The following NME7 variants were observed in gnomAD, a reference collection of about 807,000 sequenced individuals.
The protein encoded by NME7 is nucleoside diphosphate kinase 7.
In NME7, 41 loss-of-function variants were observed where a neutral mutation model predicts 49.1. That is an observed-to-expected ratio of 0.83 (90% CI 0.65 to 1.08). The LOEUF (loss-of-function observed/expected upper bound fraction) is 1.08. NME7 is among the 50% of genes least tolerant of loss of function. The probability of loss-of-function intolerance (pLI) is 0.00; values close to 1 mark genes in which losing one functional copy is unlikely to be tolerated. For missense variants in NME7, 423 were observed against 463.4 expected (o/e 0.91, Z 0.80); for synonymous variants, 139 against 150.6 (o/e 0.92, Z 0.56).
At chr1:169,162,212 T>C (rs1659269689) in intron 11 of NME7, among the ~76,000 whole-genome samples, 1 of 152,220 alleles carries the variant, frequency 6.6e-6, no homozygotes, top group Non-Finnish European at 1.5e-5. Context: ...ATCTCTTATG[T>C]GGGCGGCCTC....
At chr1:169,248,543 A>G (rs1648418078) in intron 7 of NME7, among the ~76,000 whole-genome samples, 1 of 152,008 alleles carries the variant, frequency 6.6e-6, no homozygotes, top group Non-Finnish European at 1.5e-5. Flanking sequence ...CTACTCACGA[A>G]TTATTTGCCT....
At chr1:169,180,095 C>G (rs1488135898) in intron 10 of NME7, among the ~76,000 whole-genome samples, 1 of 151,940 alleles carries the variant, frequency 6.6e-6, no homozygotes, top group Non-Finnish European at 1.5e-5. Flanking sequence ...GTTTATTTGT[C>G]CTAGAGTAGC....
At chr1:169,184,473 A>T (rs1341027885) in intron 10 of NME7, among the ~76,000 whole-genome samples, 1 of 152,100 alleles carries the variant, frequency 6.6e-6, no homozygotes, top group Non-Finnish European at 1.5e-5. Context: ...TTCCCCTATG[A>T]TCCCTCCCTC....
intron 7 of NME7, among the ~76,000 whole-genome samples, chr1:169,248,693 A>G (rs1398227256): frequency 6.6e-6 from 1 of 152,106 alleles, no homozygotes; most frequent in Non-Finnish European, 1.5e-5. Context: ...ATTCTTCTAC[A>G]TGTGGTTATC....
chr1:169,180,854 TA>T (rs1659905856), intron 10 of NME7, among the ~76,000 whole-genome samples: 1 of 152,166 alleles, frequency 6.6e-6, no homozygotes. Flanking sequence ...ATTTTGTGTA[TA>T]ATACATCTCA....
intron 9 of NME7, among the ~76,000 whole-genome samples, chr1:169,231,681 G>C (rs1175398985): frequency 6.6e-6 from 1 of 152,160 alleles, no homozygotes; most frequent in Non-Finnish European, 1.5e-5. Context: ...AAGAGTTTAT[G>C]TTTCTACCAG....
At chr1:169,336,684 C>T (rs576142337) in intron 1 of NME7, among the ~76,000 whole-genome samples, 1 of 150,700 alleles carries the variant, frequency 6.6e-6, no homozygotes, top group Non-Finnish European at 1.5e-5. Flanking sequence ...CTTAGCTAGA[C>T]ATAAAGGTTC....
At chr1:169,149,472 A>G (rs1658848727) in intron 11 of NME7, among the ~76,000 whole-genome samples, 1 of 152,224 alleles carries the variant, frequency 6.6e-6, no homozygotes, top group Non-Finnish European at 1.5e-5. Flanking sequence ...TAGGGGATAC[A>G]TCCCAAACCC....
At chr1:169,342,003 A>G (rs1652725457) in intron 1 of NME7, among the ~76,000 whole-genome samples, 1 of 152,104 alleles carries the variant, frequency 6.6e-6, no homozygotes, top group Admixed American at 6.5e-5. Context: ...CTAATGCTGG[A>G]ATGAGTTAAG....
chr1:169,247,652 T>C (rs1036867026), intron 7 of NME7, among the ~76,000 whole-genome samples: 5 of 152,090 alleles, frequency 3.3e-5, no homozygotes, highest in African/African-American at 1.2e-4. Flanking sequence ...CTCCCTCTTC[T>C]GAGTCGCCAA....
intron 2 of NME7, 122 bp from the exon 3 acceptor site, chr1:169,323,405 TTTC>T (rs1384527173): frequency 1.3e-6 from 1 of 748,414 alleles, no homozygotes; most frequent in South Asian, 4.9e-5. Flanking sequence ...TTATATTCTG[TTTC>T]TTTTTTGTTA....
At chr1:169,294,313 C>A (rs1650625029) in intron 6 of NME7, among the ~76,000 whole-genome samples, 1 of 152,012 alleles carries the variant, frequency 6.6e-6, no homozygotes, top group African/African-American at 2.4e-5. Context: ...GAAGAAAAAC[C>A]AATTAGTAAG....
rs1175921165 is a variant in NME7 at position 169,275,346 on chromosome 1, G to T, written c.754+11957C>A. On this transcript the variant is annotated intron_variant, in intron 7 of 11. Transcript: ENST00000367811. The stretch of plus-strand genomic sequence containing the variant: ...ATACAAAAATTAGCCGGGCATGGTG[G>T]CGCGTGCCTGTAGTCCCAGCTACAC... Among the ~76,000 whole-genome samples, 7 of 129,230 alleles carry T rather than the reference G, an allele frequency of 5.4e-5. 1 individual carries two copies. The highest frequency in any genetic ancestry group is 5.4e-4 in the Admixed American group (7 of 12,960). 84.8% of individuals were successfully genotyped at this position (129,230 alleles called of 152,430 possible). A position where few individuals can be genotyped will look rare whatever the true frequency, so the allele number is the denominator to read the frequency against.
intron 7 of NME7, among the ~76,000 whole-genome samples, chr1:169,255,187 G>A (rs1245465435): frequency 7.3e-6 from 1 of 136,710 alleles, no homozygotes. Flanking sequence ...CATTATTATT[G>A]TGTGGGAGTC....
At chr1:169,301,506 A>G (rs1589113) in intron 5 of NME7, among the ~76,000 whole-genome samples, 11,905 of 152,248 alleles carry the variant, frequency 0.078, 601 homozygotes, top group East Asian at 0.11. Context: ...TGTGGAAAGC[A>G]GTGTGGATAT....
intron 11 of NME7, among the ~76,000 whole-genome samples, chr1:169,138,246 G>A (rs7522760): frequency 0.33 from 50,196 of 151,958 alleles, 8,837 homozygotes; most frequent in Non-Finnish European, 0.4. Flanking sequence ...CGGGGGTGGA[G>A]GTTGCAGTGA....
At chr1:169,356,707 C>A (rs1653478565) in intron 1 of NME7, among the ~76,000 whole-genome samples, 2 of 152,140 alleles carry the variant, frequency 1.3e-5, no homozygotes, top group Non-Finnish European at 2.9e-5. Context: ...GGGGCAGCAT[C>A]TGTGAAGCAC....
Position 169,323,237 on chromosome 1 carries a change from T to C in NME7, c.158A>G (p.Asp53Gly), listed in dbSNP as rs773156271. ...HRTFLKRTKY[D>G]NLHLEDLFIG... ...AAATAAATCTTCCAAGTGCAGGTTA[T>C]CATATTTGGTCCGCTTTAAAAAGGT... The change falls in exon 3 of 12, where the codon GAT (aspartate) becomes GGT (glycine). Residue 53 changes from aspartate (D) to glycine (G), a missense_variant. Coordinates refer to ENST00000367811, the MANE Select transcript of NME7 (RefSeq NM_013330.5). The C allele has an allele frequency of 4.4e-6, 7 of 1,606,522 alleles. No homozygotes were observed. The highest frequency in any genetic ancestry group is 5.1e-6 in the Non-Finnish European group (6 of 1,176,748).
At chr1:169,156,782 A>C (rs1439963953) in intron 11 of NME7, among the ~76,000 whole-genome samples, 1 of 152,212 alleles carries the variant, frequency 6.6e-6, no homozygotes, top group Admixed American at 6.5e-5. Flanking sequence ...AGGGAATGTG[A>C]AATTGCTCCT....
Sources: allele counts gnomAD v4.1 joint callset (sites outside exome capture counted in the v4.1 genomes callset), GRCh38; gene constraint gnomAD v4.1.1; transcripts MANE v1.5; gene names NCBI Gene and HGNC (gene_info 2026-07-23, HGNC 2026-07-21).